The following EHBP1 variants were observed in gnomAD, a reference collection of about 807,000 sequenced individuals.
The protein encoded by EHBP1 is EH domain binding protein 1, also known as EH domain-binding protein 1.
EHBP1 carries 55 observed loss-of-function variants against 144.0 expected under a neutral mutation model. The ratio of observed to expected loss-of-function variants is 0.38; its 90% confidence interval spans 0.31 to 0.48. EHBP1 has a LOEUF of 0.48. EHBP1 is among the 20% of genes least tolerant of loss of function. EHBP1 has a pLI of 0.98. For missense variants in EHBP1, 1,200 were observed against 1,364.2 expected (o/e 0.88, Z 1.90); for synonymous variants, 469 against 472.7 (o/e 0.99, Z 0.10).
At chr2:62,858,963 A>G (rs532473223) in intron 7 of EHBP1, among the ~76,000 whole-genome samples, 1 of 152,188 alleles carries the variant, frequency 6.6e-6, no homozygotes, top group Non-Finnish European at 1.5e-5. Flanking sequence ...ATAATTTTCA[A>G]TTAATACTCA....
intron 19 of EHBP1, among the ~76,000 whole-genome samples, chr2:62,999,992 A>G (rs1158961078): frequency 6.6e-6 from 1 of 152,224 alleles, no homozygotes; most frequent in Non-Finnish European, 1.5e-5. Flanking sequence ...TAACTAAATA[A>G]TACTAATAGT....
At chr2:62,741,171 A>G (rs935437434) in intron 2 of EHBP1, among the ~76,000 whole-genome samples, 4 of 152,058 alleles carry the variant, frequency 2.6e-5, no homozygotes, top group Non-Finnish European at 4.4e-5. Context: ...GGGGAAATAT[A>G]CTAGTTTATT....
chr2:62,819,656 T>C (rs1384522549), intron 5 of EHBP1, among the ~76,000 whole-genome samples: 1 of 150,690 alleles, frequency 6.6e-6, no homozygotes, highest in Non-Finnish European at 1.5e-5. Context: ...CCCAGCTACT[T>C]GGGAGACTGA....
intron 5 of EHBP1, 76 bp downstream of exon 5, chr2:62,771,468 T>C: frequency 8.9e-7 from 1 of 1,123,562 alleles, no homozygotes; most frequent in Non-Finnish European, 1.2e-6. Context: ...ATTGGCATTT[T>C]GGTGGTAGGA....
intron 5 of EHBP1, among the ~76,000 whole-genome samples, chr2:62,798,490 A>G (rs2043722924): frequency 6.6e-6 from 1 of 152,168 alleles, no homozygotes; most frequent in African/African-American, 2.4e-5. Context: ...TTAAGAGTGT[A>G]GGCTCTGGAC....
chr2:62,836,286 C>G (rs2152688989), intron 7 of EHBP1, among the ~76,000 whole-genome samples: 1 of 151,766 alleles, frequency 6.6e-6, no homozygotes, highest in East Asian at 1.9e-4. Context: ...AGGGTCCTGT[C>G]TGTTAGAAGG....
chr2:62,786,995 C>T (rs931857784), intron 5 of EHBP1, among the ~76,000 whole-genome samples: 4 of 152,242 alleles, frequency 2.6e-5, no homozygotes, highest in East Asian at 3.9e-4. Context: ...CTTGTTAGAC[C>T]GCAGGCATGG....
At chr2:62,748,994 TTTA>T (rs2039418967) in intron 3 of EHBP1, among the ~76,000 whole-genome samples, 1 of 152,120 alleles carries the variant, frequency 6.6e-6, no homozygotes, top group Non-Finnish European at 1.5e-5. Flanking sequence ...TCTTTTTTAT[TTTA>T]TTATACTTTT....
At chr2:62,679,327 C>A (rs886357739) in intron 1 of EHBP1, among the ~76,000 whole-genome samples, 1 of 152,148 alleles carries the variant, frequency 6.6e-6, no homozygotes, top group African/African-American at 2.4e-5. Flanking sequence ...AATACCATAG[C>A]CTCTCCAGAA....
intron 2 of EHBP1, 49 bp downstream of exon 2, chr2:62,707,344 C>T: frequency 7.2e-7 from 1 of 1,385,750 alleles, no homozygotes; most frequent in Non-Finnish European, 1.0e-6. Flanking sequence ...CCTAAGCATA[C>T]TGTGGCCTAA....
intron 6 of EHBP1, among the ~76,000 whole-genome samples, chr2:62,827,107 G>A (rs923944911): frequency 2.6e-5 from 4 of 152,146 alleles, no homozygotes; most frequent in African/African-American, 7.2e-5. Flanking sequence ...AGTGGAAGGT[G>A]GTTACTATAA....
At chr2:62,714,132 T>G (rs565132651) in intron 2 of EHBP1, among the ~76,000 whole-genome samples, 2 of 152,210 alleles carry the variant, frequency 1.3e-5, no homozygotes, top group African/African-American at 4.8e-5. Context: ...TATTCACACT[T>G]TGGGAGGGGC....
chr2:62,735,846 C>G (rs959666637), intron 2 of EHBP1, among the ~76,000 whole-genome samples: 1 of 152,136 alleles, frequency 6.6e-6, no homozygotes, highest in Non-Finnish European at 1.5e-5. Context: ...TTTTACTCCA[C>G]TCTCTTCTTG....
chr2:63,043,197 G>A (rs2061748374), intron 21 of EHBP1, among the ~76,000 whole-genome samples: 1 of 152,088 alleles, frequency 6.6e-6, no homozygotes, highest in Non-Finnish European at 1.5e-5. Flanking sequence ...TTAAGAACAA[G>A]AACCAGATTA....
In EHBP1 at chr2:63,003,226, C is replaced by A. The variant is rs1258575050; in HGVS notation, c.3103+6460C>A. Among the ~76,000 whole-genome samples, 3 of 151,808 alleles carry A rather than the reference C, an allele frequency of 2.0e-5. No homozygotes were observed. In the East Asian group the frequency reaches 5.8e-4, roughly 29 times the overall value. ...AAATAACAAAAACTCTATTGACCAC[C>A]AATGGTAAACGTAATTGAATTAGCA... On this transcript the variant is annotated intron_variant, in intron 19 of 22. Coordinates refer to ENST00000431489, the MANE Select transcript of EHBP1 (RefSeq NM_001142616.3).
chr2:62,914,345 A>G (rs1183742539), intron 10 of EHBP1, among the ~76,000 whole-genome samples: 2 of 152,132 alleles, frequency 1.3e-5, no homozygotes, highest in Non-Finnish European at 2.9e-5. Context: ...TGCTTATGAC[A>G]CTACCAATAT....
At chr2:63,023,190 T>C (rs567738149) in intron 19 of EHBP1, among the ~76,000 whole-genome samples, 10 of 152,252 alleles carry the variant, frequency 6.6e-5, no homozygotes, top group African/African-American at 2.2e-4. Context: ...AAAATAGTAA[T>C]AAATCAGATA....
At chr2:62,874,259 T>A (rs2050705187) in intron 9 of EHBP1, 87 bp from the exon 10 acceptor site, 1 of 1,039,106 alleles carries the variant, frequency 9.6e-7, no homozygotes, top group African/African-American at 1.6e-5. Flanking sequence ...AAAAAGAAAT[T>A]TTAGTTTTCA....
At chr2:62,720,255 G>T (rs1206533490) in intron 2 of EHBP1, among the ~76,000 whole-genome samples, 1 of 152,078 alleles carries the variant, frequency 6.6e-6, no homozygotes, top group East Asian at 1.9e-4. Flanking sequence ...AGAAAGTTTG[G>T]GAACCTCTAG....
Sources: allele counts gnomAD v4.1 joint callset (sites outside exome capture counted in the v4.1 genomes callset), GRCh38; gene constraint gnomAD v4.1.1; transcripts MANE v1.5; gene names NCBI Gene and HGNC (gene_info 2026-07-23, HGNC 2026-07-21).